MIB1: variants seen among roughly 807,000 people sequenced by gnomAD.
MIB1 encodes E3 ubiquitin-protein ligase MIB1.
Under a neutral mutation model 124.5 loss-of-function variants are expected in MIB1, and 278 were observed. The ratio of observed to expected loss-of-function variants is 2.23; its 90% CI spans 2.02 to 2.47. The LOEUF is 2.47. MIB1 is among the 30% of genes most tolerant of loss of function. The pLI, the probability that MIB1 is intolerant of heterozygous loss-of-function variation, is 0.00. For synonymous variants in MIB1, 446 were observed against 429.4 expected (o/e 1.04, Z -0.48); for missense variants, 957 against 1,254.4 (o/e 0.76, Z 3.58).
chr18:21,774,568 C>T (rs551258984), intron 4 of MIB1, among the ~76,000 whole-genome samples: 1 of 152,238 alleles, frequency 6.6e-6, no homozygotes, highest in South Asian at 2.1e-4. Flanking sequence ...TGTACTCCAG[C>T]CTAGGTAATG....
At chr18:21,801,903 T>G (rs751547053) in intron 9 of MIB1, among the ~76,000 whole-genome samples, 1 of 152,162 alleles carries the variant, frequency 6.6e-6, no homozygotes, top group African/African-American at 2.4e-5. Context: ...TCCCTTCTCT[T>G]CTCTCCTGTG....
At chr18:21,740,406 C>G (rs2040831635), upstream of MIB1, among the ~76,000 whole-genome samples, 1 of 152,234 alleles carries the variant, frequency 6.6e-6, no homozygotes, top group Non-Finnish European at 1.5e-5. Flanking sequence ...CTAACCTGCT[C>G]TGTCTGGTTT....
At chr18:21,748,123 A>G (rs879312564) in intron 1 of MIB1, among the ~76,000 whole-genome samples, 1 of 152,200 alleles carries the variant, frequency 6.6e-6, no homozygotes, top group Non-Finnish European at 1.5e-5. Context: ...TGAGTGGCAG[A>G]TAGTAGGGAT....
intron 1 of MIB1, among the ~76,000 whole-genome samples, chr18:21,761,188 A>G (rs1016788554): frequency 8.6e-5 from 13 of 151,960 alleles, no homozygotes; most frequent in Non-Finnish European, 1.3e-4. Context: ...AAAAGTTTAC[A>G]AAATTAGTTG....
At chr18:21,755,345 T>G (rs1246682226) in intron 1 of MIB1, among the ~76,000 whole-genome samples, 3 of 152,028 alleles carry the variant, frequency 2.0e-5, no homozygotes, top group African/African-American at 4.8e-5. Flanking sequence ...TTTTTTTTTT[T>G]TTTTGAGACA....
At chr18:21,748,888 A>G (rs910543265) in intron 1 of MIB1, among the ~76,000 whole-genome samples, 6 of 151,822 alleles carry the variant, frequency 4.0e-5, no homozygotes, top group Non-Finnish European at 8.8e-5. Context: ...GCACACCACC[A>G]AGCCTGGCTA....
chr18:21,752,141 C>T (rs1471701874), intron 1 of MIB1, among the ~76,000 whole-genome samples: 1 of 152,220 alleles, frequency 6.6e-6, no homozygotes, highest in African/African-American at 2.4e-5. Flanking sequence ...AGCTGGTCAG[C>T]CTTTACTATT....
chr18:21,815,890 G>A, intron 11 of MIB1, 77 bp downstream of exon 11: 1 of 1,273,582 alleles, frequency 7.9e-7, no homozygotes, highest in Non-Finnish European at 1.1e-6. Flanking sequence ...TCTATGGTAA[G>A]CATTCCTTTG....
In MIB1 at chr18:21,741,824, C is replaced by G. The variant is rs939603234; in HGVS notation, c.229+12C>G. ...CAGCGCGCCCACCGGTAAGCCGCGG[C>G]CACCTGGCCAGGGCTTGCGCGCGCG... On this transcript the variant is annotated intron_variant, in intron 1 of 20. Coordinates refer to ENST00000261537, the MANE Select transcript of MIB1 (RefSeq NM_020774.4). The surrounding 1 kb of genome is among the most constrained non-coding windows in gnomAD (Gnocchi z 5.4). 6.3e-7 allele frequency: 1 copy of G among 1,579,250 alleles called. No homozygotes were observed.
At chr18:21,719,456 T>A (rs923516004) in intron 1 of MIB1, among the ~76,000 whole-genome samples, 1 of 151,756 alleles carries the variant, frequency 6.6e-6, no homozygotes, top group Non-Finnish European at 1.5e-5. Context: ...TTAAAAAAAA[T>A]TTTTTTTTGA....
intron 1 of MIB1, among the ~76,000 whole-genome samples, chr18:21,758,638 A>C (rs1346820092): frequency 6.6e-6 from 1 of 151,778 alleles, no homozygotes; most frequent in African/African-American, 2.4e-5. Context: ...GGGTTCAAGC[A>C]ATTCTCCTGC....
chr18:21,760,141 G>A (rs1221299515), intron 1 of MIB1, among the ~76,000 whole-genome samples: 2 of 151,578 alleles, frequency 1.3e-5, no homozygotes, highest in African/African-American at 4.8e-5. Flanking sequence ...GTATTCTATA[G>A]AAAGGAAAAA....
intron 1 of MIB1, among the ~76,000 whole-genome samples, chr18:21,719,596 G>T (rs996290805): frequency 2.0e-5 from 3 of 150,754 alleles, no homozygotes; most frequent in African/African-American, 7.3e-5. Context: ...ATGGGTATAC[G>T]TCACCACGCT....
chr18:21,759,473 C>A (rs965952743), intron 1 of MIB1, among the ~76,000 whole-genome samples: 12 of 152,078 alleles, frequency 7.9e-5, no homozygotes, highest in Non-Finnish European at 1.5e-4. Context: ...GAATTCCTGA[C>A]CTCTTGATCC....
At chr18:21,766,955 G>A (rs2146408338) in intron 2 of MIB1, among the ~76,000 whole-genome samples, 1 of 152,254 alleles carries the variant, frequency 6.6e-6, no homozygotes, top group South Asian at 2.1e-4. Flanking sequence ...AAACCTTTCT[G>A]ATTATGTGAA....
chr18:21,821,485 C>G (rs747945051), intron 12 of MIB1, among the ~76,000 whole-genome samples: 7 of 152,112 alleles, frequency 4.6e-5, no homozygotes, highest in Non-Finnish European at 8.8e-5. Context: ...TTGGGATGCC[C>G]CATCCCGCTT....
At chr18:21,838,251 T>G in intron 12 of MIB1, 114 bp from the exon 13 acceptor site, 1 of 637,482 alleles carries the variant, frequency 1.6e-6, no homozygotes, top group Non-Finnish European at 2.5e-6. Context: ...AATTTCTATT[T>G]GTCTCTAAGA....
chr18:21,770,905 C>T (rs2146413936), intron 3 of MIB1, among the ~76,000 whole-genome samples: 1 of 152,238 alleles, frequency 6.6e-6, no homozygotes, highest in East Asian at 1.9e-4. Context: ...ACTTCTTTAA[C>T]TTGTTCTTTT....
At chr18:21,731,560 C>T (rs1376156001) in intron 1 of MIB1, among the ~76,000 whole-genome samples, 1 of 151,758 alleles carries the variant, frequency 6.6e-6, no homozygotes, top group Non-Finnish European at 1.5e-5. Flanking sequence ...GGTGAAACCC[C>T]GTCTCTACTA....
Sources: allele counts gnomAD v4.1 joint callset (sites outside exome capture counted in the v4.1 genomes callset), GRCh38; gene constraint gnomAD v4.1.1; non-coding constraint Gnocchi (gnomAD v3.1); transcripts MANE v1.5; gene names NCBI Gene and HGNC (gene_info 2026-07-23, HGNC 2026-07-21).